Variants in AMBRA1 observed in about 807,000 individuals in gnomAD.
AMBRA1 encodes autophagy and beclin 1 regulator 1.
AMBRA1 carries 47 observed loss-of-function variants against 125.4 expected under a neutral mutation model. The ratio of observed to expected loss-of-function variants is 0.37; its 90% CI spans 0.30 to 0.48. The LOEUF is 0.48. Among genes scored for constraint, AMBRA1 ranks in the 20% least tolerant of loss-of-function variants. The probability of loss-of-function intolerance (pLI) is 0.99; values close to 1 mark genes in which losing one functional copy is unlikely to be tolerated. For synonymous variants in AMBRA1, 626 were observed against 655.5 expected, an observed-to-expected ratio of 0.95 and a Z score of 0.69; for missense variants, 1,331 against 1,693.4, an observed-to-expected ratio of 0.79 and a Z score of 3.76.
At chr11:46,569,693 G>A (rs945187678) in intron 1 of AMBRA1, among the ~76,000 whole-genome samples, 2 of 151,958 alleles carry the variant, frequency 1.3e-5, no homozygotes, top group East Asian at 1.9e-4. Flanking sequence ...TAAGGTGGGT[G>A]TATCACTTGA....
chr11:46,532,687 G>A (rs1952271280), intron 7 of AMBRA1, among the ~76,000 whole-genome samples: 1 of 152,154 alleles, frequency 6.6e-6, no homozygotes, highest in Non-Finnish European at 1.5e-5. Flanking sequence ...CGCCCACCTT[G>A]GCCTTCCAAA....
chr11:46,404,510 T>C (rs1945911664), intron 17 of AMBRA1, among the ~76,000 whole-genome samples: 1 of 152,160 alleles, frequency 6.6e-6, no homozygotes, highest in African/African-American at 2.4e-5. Flanking sequence ...CAAGTGCCCA[T>C]ACCCTCTGAC....
At chr11:46,445,447 T>C (rs1276423945) in intron 11 of AMBRA1, among the ~76,000 whole-genome samples, 1 of 152,150 alleles carries the variant, frequency 6.6e-6, no homozygotes, top group South Asian at 2.1e-4. Context: ...GGTAAATATA[T>C]ACCCTTGCTT....
rs1371763262 is a variant in AMBRA1 at position 46,408,525 on chromosome 11, C to T, written c.3391G>A (p.Gly1131Ser). The change falls in exon 17 of 18, where the codon GGT becomes AGT. Residue 1131 changes from glycine (G) to serine (S), a missense_variant. Coordinates refer to ENST00000683756, the MANE Select transcript of AMBRA1 (RefSeq NM_001387011.1). ...EVPEPGTAAS[G>S]PGEGEGSEYG... ...ACATGGCTCCTACCTTCACCAGGAC[C>T]TGAGGCGGCTGTCCCTGGCTCCGGC... The T allele has an allele frequency of 6.4e-7, 1 of 1,569,120 alleles. No individual in the cohort carries two copies. The highest frequency in any genetic ancestry group is 2.3e-5 in the East Asian group (1 of 43,614).
chr11:46,551,438 G>C (rs977146277), intron 1 of AMBRA1, among the ~76,000 whole-genome samples: 1 of 152,140 alleles, frequency 6.6e-6, no homozygotes, highest in Non-Finnish European at 1.5e-5. Context: ...TCAGCCTCCA[G>C]AGTAGCTAAC....
At chr11:46,514,566 A>G (rs1419539076) in intron 7 of AMBRA1, among the ~76,000 whole-genome samples, 1 of 152,150 alleles carries the variant, frequency 6.6e-6, no homozygotes, top group Non-Finnish European at 1.5e-5. Flanking sequence ...CAATTCTAAG[A>G]CACACTTTTC....
intron 15 of AMBRA1, among the ~76,000 whole-genome samples, chr11:46,411,205 C>T (rs1164126537): frequency 3.3e-5 from 5 of 151,732 alleles, no homozygotes; most frequent in Admixed American, 3.3e-4. Context: ...GGAAGACAAA[C>T]TTCACCAAAA....
intron 11 of AMBRA1, among the ~76,000 whole-genome samples, chr11:46,444,984 G>C (rs1480509209): frequency 6.7e-6 from 1 of 150,230 alleles, no homozygotes; most frequent in Non-Finnish European, 1.5e-5. Context: ...CCAAAATGAT[G>C]ATACTTCTAG....
intron 16 of AMBRA1, among the ~76,000 whole-genome samples, chr11:46,409,314 C>T (rs1324568511): frequency 6.6e-6 from 1 of 152,118 alleles, no homozygotes; most frequent in Non-Finnish European, 1.5e-5. Flanking sequence ...GATTCTCCTG[C>T]CTCAGCCTCC....
Position 46,544,818 on chromosome 11 carries a change from C to T in AMBRA1, c.552-777G>A, listed in dbSNP as rs140353106. Among the ~76,000 whole-genome samples the T allele has an allele frequency of 6.6e-3, 1,002 of 152,194 alleles. 19 individuals carry two copies. The highest frequency in any genetic ancestry group is 0.023 in the African/African-American group (971 of 41,496). ...TGTCTCCCAGCTGATTAGTCAGCTG[C>T]TTAGAAAGCAGGAGGCGGCCAGGTG... On this transcript the variant is annotated intron_variant, in intron 5 of 17. Transcript: ENST00000683756.
At chr11:46,465,424 C>T (rs990068333) in intron 11 of AMBRA1, among the ~76,000 whole-genome samples, 9 of 152,296 alleles carry the variant, frequency 5.9e-5, no homozygotes, top group African/African-American at 1.2e-4. Flanking sequence ...CCTGGGCACA[C>T]GTTACTACAG....
In AMBRA1 at chr11:46,542,003, G is replaced by T. The variant is rs769381027; in HGVS notation, c.2014C>A (p.Gln672Lys). 1 of 1,614,026 alleles carries T rather than the reference G, an allele frequency of 6.2e-7. No homozygotes were observed. The highest frequency in any genetic ancestry group is 1.3e-5 in the African/African-American group (1 of 75,050). Residue 672 changes from glutamine (Q) to lysine (K), a missense_variant, in exon 7 of 18, where the codon CAG (glutamine) becomes AAG (lysine). Transcript: ENST00000683756. This position sits in a 1 kb window ranked among gnomAD's most constrained non-coding sequence, Gnocchi z 5.9. ...TQSSRSGTVS[Q>K]EALHQDMPEE... The stretch of plus-strand genomic sequence containing the variant: ...GGCATATCCTGATGTAAGGCCTCCT[G>T]TGACACAGTTCCAGATCTGCTGGAC...
intron 11 of AMBRA1, among the ~76,000 whole-genome samples, chr11:46,492,650 C>T (rs914436654): frequency 6.6e-6 from 1 of 152,216 alleles, no homozygotes; most frequent in Non-Finnish European, 1.5e-5. Context: ...TGCTTTACTT[C>T]CTTCTCTAGA....
intron 17 of AMBRA1, among the ~76,000 whole-genome samples, chr11:46,401,525 C>A (rs565770948): frequency 2.0e-4 from 31 of 152,324 alleles, no homozygotes; most frequent in African/African-American, 7.2e-4. Flanking sequence ...TGAGCCACCG[C>A]ACCCAGCTCA....
At chr11:46,431,916 T>C (rs1947469927) in intron 14 of AMBRA1, among the ~76,000 whole-genome samples, 1 of 152,230 alleles carries the variant, frequency 6.6e-6, no homozygotes, top group African/African-American at 2.4e-5. Flanking sequence ...CATTGTGATA[T>C]CAAGAGGACA....
chr11:46,400,473 G>GTTTTTTTTTTTTTTTTTTTTTTTTTTT lies in AMBRA1; in HGVS notation c.3404-2557_3404-2531dup, dbSNP rs553040136. 6.1e-5 allele frequency among the ~76,000 whole-genome samples: 3 copies of GTTTTTTTTTTTTTTTTTTTTTTTTTTT among 48,874 alleles called. 1 individual carries two copies. The highest frequency in any genetic ancestry group is 1.9e-4 in the African/African-American group (3 of 15,450). The allele number at this position is 48,874 out of a possible 152,430, so 32.1% of individuals were successfully genotyped here. ...CCTCATGCTTCTAGTTCTTTCTATA[G>GTTTTTTTTTTTTTTTTTTTTTTTTTTT]TTTTTTTTTTTTTTTTTTTTTTTTT... On this transcript the variant is annotated intron_variant, in intron 17 of 17. Transcript: ENST00000683756.
intron 11 of AMBRA1, among the ~76,000 whole-genome samples, chr11:46,457,698 C>G (rs1456130069): frequency 1.3e-5 from 2 of 152,122 alleles, no homozygotes; most frequent in African/African-American, 4.8e-5. Context: ...GTCAGGAGTT[C>G]AAGACCAGCC....
At chr11:46,504,123 C>T (rs1950945002) in intron 9 of AMBRA1, among the ~76,000 whole-genome samples, 1 of 152,208 alleles carries the variant, frequency 6.6e-6, no homozygotes, top group South Asian at 2.1e-4. Context: ...GCCTTTGCTA[C>T]AGTATCCCTT....
intron 14 of AMBRA1, among the ~76,000 whole-genome samples, chr11:46,419,776 A>G (rs1053837621): frequency 6.6e-6 from 1 of 152,112 alleles, no homozygotes; most frequent in Non-Finnish European, 1.5e-5. Flanking sequence ...TACAATTATA[A>G]TTATTTTTCT....
Sources: allele counts gnomAD v4.1 joint callset (sites outside exome capture counted in the v4.1 genomes callset), GRCh38; gene constraint gnomAD v4.1.1; non-coding constraint Gnocchi (gnomAD v3.1); transcripts MANE v1.5; gene names NCBI Gene and HGNC (gene_info 2026-07-23, HGNC 2026-07-21).